PLCH1: variants seen among roughly 807,000 people sequenced by gnomAD.
PLCH1 encodes phospholipase C eta 1.
In PLCH1, 60 loss-of-function variants were observed where a neutral mutation model predicts 126.7. The ratio of observed to expected loss-of-function variants is 0.47; its 90% CI spans 0.38 to 0.59. The LOEUF (loss-of-function observed/expected upper bound fraction) is 0.59, where lower values mean the gene tolerates loss of function less well. PLCH1 is among the 20% of genes least tolerant of loss of function. The probability of loss-of-function intolerance (pLI) is 0.00; values close to 1 mark genes in which losing one functional copy is unlikely to be tolerated. For synonymous variants in PLCH1, 719 were observed against 734.9 expected (o/e 0.98, Z 0.35); for missense variants, 1,723 against 2,040.0 (o/e 0.84, Z 2.99).
intron 2 of PLCH1, among the ~76,000 whole-genome samples, chr3:155,689,721 A>T (rs1373816780): frequency 6.6e-6 from 1 of 152,056 alleles, no homozygotes; most frequent in Non-Finnish European, 1.5e-5. Flanking sequence ...TTGAAAACAC[A>T]TAGTCAGAGG....
At chr3:155,458,503 A>AGAAAGAAAGAAAGAAG (rs1174780818) in intron 21 of PLCH1, among the ~76,000 whole-genome samples, 3 of 118,468 alleles carry the variant, frequency 2.5e-5, no homozygotes, top group African/African-American at 1.6e-4. Context: ...AGAAAGAGAA[A>AGAAAGAAAGAAAGAAG]GAAGAGAGAG....
At chr3:155,732,652 C>A (rs138484759) in intron 1 of PLCH1, among the ~76,000 whole-genome samples, 1 of 151,536 alleles carries the variant, frequency 6.6e-6, no homozygotes, top group Non-Finnish European at 1.5e-5. Flanking sequence ...CTGAGGCAGG[C>A]GAATCACCCG....
At chr3:155,535,699 G>A (rs573154703) in intron 10 of PLCH1, among the ~76,000 whole-genome samples, 20 of 152,272 alleles carry the variant, frequency 1.3e-4, no homozygotes, top group African/African-American at 3.9e-4. Flanking sequence ...TCTACCCACC[G>A]TGGTAGCTGA....
intron 14 of PLCH1, among the ~76,000 whole-genome samples, chr3:155,498,858 C>T (rs1318909141): frequency 6.6e-6 from 1 of 152,164 alleles, no homozygotes; most frequent in Admixed American, 6.5e-5. Flanking sequence ...TACCACCACT[C>T]TCTTCTGCAG....
intron 2 of PLCH1, among the ~76,000 whole-genome samples, chr3:155,597,197 A>G (rs115674861): frequency 0.021 from 3,125 of 152,270 alleles, 120 homozygotes; most frequent in African/African-American, 0.072. Context: ...CAATCACCCC[A>G]GTGAAAGAGT....
At chr3:155,649,872 G>A (rs573876036) in intron 2 of PLCH1, among the ~76,000 whole-genome samples, 27 of 152,234 alleles carry the variant, frequency 1.8e-4, no homozygotes, top group African/African-American at 6.3e-4. Flanking sequence ...CAGCTGCTGG[G>A]GAGGCTGAGA....
chr3:155,700,728 G>A (rs1746208655), intron 2 of PLCH1, among the ~76,000 whole-genome samples: 1 of 152,076 alleles, frequency 6.6e-6, no homozygotes, highest in Non-Finnish European at 1.5e-5. Context: ...ACTCATTATT[G>A]GTTAAGAATC....
chr3:155,475,002 C>T (rs973938034), downstream of PLCH1, among the ~76,000 whole-genome samples: 1 of 141,862 alleles, frequency 7.0e-6, no homozygotes, highest in Non-Finnish European at 1.5e-5. Flanking sequence ...GGGTGCAGTG[C>T]ACCAGCATGG....
At chr3:155,724,399 T>C (rs935456573) in intron 1 of PLCH1, among the ~76,000 whole-genome samples, 3 of 152,180 alleles carry the variant, frequency 2.0e-5, no homozygotes, top group Admixed American at 6.6e-5. Context: ...CTAGTAGTAA[T>C]TGTTTTATAA....
At chr3:155,533,894 T>C (rs947745726) in intron 10 of PLCH1, among the ~76,000 whole-genome samples, 5 of 152,338 alleles carry the variant, frequency 3.3e-5, no homozygotes, top group East Asian at 1.9e-4. Context: ...CACATGGTGT[T>C]GAGCCTGCAG....
intron 2 of PLCH1, among the ~76,000 whole-genome samples, chr3:155,600,602 TAAAA>T (rs5853725): frequency 1.6e-5 from 2 of 128,232 alleles, no homozygotes; most frequent in Non-Finnish European, 1.6e-5. Flanking sequence ...TTAAGATAGC[TAAAA>T]AAAAAAAAAA....
At chr3:155,715,319 T>C (rs1382719921) in intron 1 of PLCH1, among the ~76,000 whole-genome samples, 1 of 152,118 alleles carries the variant, frequency 6.6e-6, no homozygotes. Context: ...TCTTTTTTTT[T>C]GAGACAGAGT....
rs1005485498 is a variant in PLCH1, at chr3:155,684,753, T to C, written c.79+19393A>G. Among the ~76,000 whole-genome samples the C allele has an allele frequency of 9.9e-5, 15 of 152,196 alleles. 1 individual carries two copies. The highest frequency in any genetic ancestry group is 1.5e-5 in the Non-Finnish European group (1 of 68,022). On this transcript the variant is annotated intron_variant, in intron 2 of 22. Coordinates refer to ENST00000460012, the MANE Select transcript of PLCH1 (RefSeq NM_014996.4). ...GTACTATCACAACAGTCTAAATTCC[T>C]AAACTAAATTACTCTACAGAAATGA...
chr3:155,695,897 G>A (rs956331399), intron 2 of PLCH1, among the ~76,000 whole-genome samples: 1 of 152,196 alleles, frequency 6.6e-6, no homozygotes, highest in Non-Finnish European at 1.5e-5. Flanking sequence ...AGTGTTTCTG[G>A]GGTGCAAAGA....
intron 21 of PLCH1, among the ~76,000 whole-genome samples, chr3:155,458,397 G>T (rs866595877): frequency 4.1e-5 from 1 of 24,570 alleles, no homozygotes; most frequent in African/African-American, 3.2e-4. Flanking sequence ...AAGGAAGGAA[G>T]GAAGGAAGGA....
chr3:155,456,699 A>G (rs1712451611), intron 21 of PLCH1: 1 of 152,256 alleles, frequency 6.6e-6, no homozygotes, highest in South Asian at 2.1e-4. Context: ...AAATGGAACT[A>G]CCATCCGCCA....
chr3:155,729,752 A>G (rs1748618183), intron 1 of PLCH1, among the ~76,000 whole-genome samples: 1 of 152,010 alleles, frequency 6.6e-6, no homozygotes. Context: ...GTGAAACCCC[A>G]TCTCCTCTAG....
intron 1 of PLCH1, among the ~76,000 whole-genome samples, chr3:155,733,958 T>A (rs1423925913): frequency 1.0e-5 from 1 of 96,740 alleles, no homozygotes; most frequent in East Asian, 2.9e-4. Context: ...TATATATATA[T>A]ATATATATAT....
At chr3:155,612,975 T>A (rs1577141502) in intron 2 of PLCH1, among the ~76,000 whole-genome samples, 1 of 139,386 alleles carries the variant, frequency 7.2e-6, no homozygotes, top group African/African-American at 2.7e-5. Context: ...GATATTACAA[T>A]CAATAATACA....
Sources: gnomAD v4.1 joint callset for allele counts (sites outside exome capture counted in the v4.1 genomes callset) on GRCh38, gnomAD v4.1.1 for gene constraint, MANE v1.5 for transcripts, NCBI Gene and HGNC (gene_info 2026-07-23, HGNC 2026-07-21) for gene names.